Variants in CARS2 observed in about 807,000 individuals in gnomAD.
CARS2 encodes the protein probable cysteine--tRNA ligase, mitochondrial.
Under a neutral mutation model 68.8 loss-of-function variants are expected in CARS2, and 52 were observed. The ratio of observed to expected loss-of-function variants is 0.76; its 90% confidence interval spans 0.61 to 0.95. The LOEUF (loss-of-function observed/expected upper bound fraction) is 0.95, where lower values mean the gene tolerates loss of function less well. Among genes scored for constraint, CARS2 ranks in the 40% least tolerant of loss-of-function variants. The pLI is 0.00. For missense variants in CARS2, 780 were observed against 754.2 expected, an observed-to-expected ratio of 1.03 and a Z score of -0.40; for synonymous variants, 314 against 303.6, an observed-to-expected ratio of 1.03 and a Z score of -0.36.
intron 10 of CARS2, among the ~76,000 whole-genome samples, chr13:110,647,597 A>G (rs1314277033): frequency 3.9e-5 from 5 of 129,446 alleles, no homozygotes; most frequent in East Asian, 2.3e-4. Flanking sequence ...ATGAATGGCT[A>G]GCTCTGGAAA....
intron 3 of CARS2, among the ~76,000 whole-genome samples, chr13:110,699,996 C>T (rs532389668): frequency 2.4e-4 from 36 of 152,256 alleles, no homozygotes; most frequent in Non-Finnish European, 3.8e-4. Context: ...CTGCTACCCG[C>T]CACAAGTGCG....
In CARS2 at chr13:110,684,218, C is replaced by G. The variant is rs1039252817; in HGVS notation, c.572-1084G>C. ...CCAGCACCCTCCAACCACACAGCAGCATGTAGCTGTCCTCAGGCCCCAGGC... is the reference window on the plus strand; with the variant it reads ...CCAGCACCCTCCAACCACACAGCAGGATGTAGCTGTCCTCAGGCCCCAGGC... On this transcript the variant is annotated intron_variant, in intron 5 of 14. Coordinates refer to ENST00000257347, the MANE Select transcript of CARS2 (RefSeq NM_024537.4). Among the ~76,000 whole-genome samples the G allele has an allele frequency of 4.6e-5, 7 of 152,308 alleles. No homozygotes were observed. The East Asian group carries it at 1.4e-3, about 29-fold the overall frequency.
At position 110,687,840 on chromosome 13, in the gene CARS2, G is replaced by C. The variant is rs1304707139; in HGVS notation, c.466-14C>G. The C allele has an allele frequency of 1.5e-5, 24 of 1,585,756 alleles. No homozygotes were observed. Among genetic ancestry groups the C allele is most frequent in the Non-Finnish European group, 2.0e-5 (23 of 1,155,292 alleles). On this transcript the variant is annotated splice_polypyrimidine_tract_variant and intron_variant, in intron 4 of 14. Coordinates refer to ENST00000257347, the MANE Select transcript of CARS2 (RefSeq NM_024537.4). ...GGGTGGGAGAACCTGCAAGGAAGTG[G>C]AGACGTGACCGTGTTTCCCTCGTGA...
At chr13:110,650,749 GA>G (rs2062184895) in intron 10 of CARS2, 2 of 362,868 alleles carry the variant, frequency 5.5e-6, no homozygotes, top group Non-Finnish European at 1.0e-5. Context: ...CACACAGCAG[GA>G]AGCCGAGGTG....
intron 10 of CARS2, among the ~76,000 whole-genome samples, chr13:110,649,931 C>CTTTTTTTTTTTTTTTTT (rs59276783): frequency 2.7e-5 from 2 of 73,144 alleles, no homozygotes; most frequent in African/African-American, 5.2e-5. Context: ...TGGATAACGA[C>CTTTTTTTTTTTTTTTTT]TTTTTTTTTT....
chr13:110,712,909 G>A (rs765351793), intron 1 of CARS2: 15 of 1,537,634 alleles, frequency 9.8e-6, no homozygotes, highest in Middle Eastern at 3.3e-4. Flanking sequence ...CAAAGGGAGG[G>A]CGGTGACGGA....
intron 10 of CARS2, among the ~76,000 whole-genome samples, chr13:110,649,533 G>A (rs1256151795): frequency 2.0e-5 from 3 of 152,232 alleles, no homozygotes; most frequent in Non-Finnish European, 4.4e-5. Flanking sequence ...AAAGTGTGCT[G>A]GCCAGATAGA....
intron 7 of CARS2, among the ~76,000 whole-genome samples, chr13:110,672,181 C>A (rs1441212293): frequency 6.6e-6 from 1 of 152,144 alleles, no homozygotes; most frequent in Non-Finnish European, 1.5e-5. Flanking sequence ...ACGAGGATAT[C>A]CAGGAATTGA....
rs750963303 is a variant in CARS2 at position 110,642,364 on chromosome 13, G to A, written c.1574C>T (p.Ala525Val). 3.2e-6 allele frequency: 5 copies of A among 1,556,506 alleles called. No individual in the cohort carries two copies. Among genetic ancestry groups the A allele is most frequent in the East Asian group, 4.8e-5 (2 of 41,396 alleles). Residue 525 changes from alanine to valine, a missense_variant, in exon 14 of 15, where the codon GCA becomes GTA. By Grantham distance (64) the Ala-to-Val change is moderately conservative (BLOSUM62 0). Coordinates refer to ENST00000257347, the MANE Select transcript of CARS2 (RefSeq NM_024537.4). ...CAGGCCCCGGCGCAGGGTGTCGCAT[G>A]CTTCCAGCAGGGGCTGCCTTTCTAG... ...QLLERQPLLE[A>V]CDTLRRGLTA...
At chr13:110,673,114 C>T (rs186465250) in intron 7 of CARS2, among the ~76,000 whole-genome samples, 2 of 152,290 alleles carry the variant, frequency 1.3e-5, no homozygotes, top group East Asian at 3.9e-4. Context: ...CAGAAGGATT[C>T]ACAGCCAAAT....
chr13:110,673,651 C>A (rs1288429486), intron 7 of CARS2, among the ~76,000 whole-genome samples: 1 of 152,062 alleles, frequency 6.6e-6, no homozygotes, highest in Non-Finnish European at 1.5e-5. Flanking sequence ...TGAAAACTGG[C>A]ACAAGACAGG....
At chr13:110,654,583 G>A (rs144213315) in intron 9 of CARS2, among the ~76,000 whole-genome samples, 3 of 151,748 alleles carry the variant, frequency 2.0e-5, no homozygotes, top group Non-Finnish European at 4.4e-5. Context: ...ATAGACAAAC[G>A]CATGGAAATT....
intron 6 of CARS2, among the ~76,000 whole-genome samples, chr13:110,679,038 A>ACAGGGGAAAAGGGAAC (rs2063058910): frequency 6.8e-5 from 1 of 14,668 alleles, no homozygotes; most frequent in South Asian, 2.6e-3. Flanking sequence ...TGTCCTTACC[A>ACAGGGGAAAAGGGAAC]CACATGTGAA....
At chr13:110,704,630 A>G (rs1282419042) in intron 2 of CARS2, among the ~76,000 whole-genome samples, 1 of 152,188 alleles carries the variant, frequency 6.6e-6, no homozygotes, top group Non-Finnish European at 1.5e-5. Flanking sequence ...AGGCTGAGGC[A>G]GGAGAATTGC....
intron 8 of CARS2, chr13:110,666,226 G>T (rs1455240190): frequency 3.0e-6 from 3 of 985,292 alleles, no homozygotes; most frequent in African/African-American, 1.7e-5. Flanking sequence ...CCCTTCCCAT[G>T]TGAGCGCCAG....
rs1208901100 is a variant in CARS2 at position 110,653,933 on chromosome 13, C to T, written c.988-2833G>A. 6.6e-6 allele frequency among the ~76,000 whole-genome samples: 1 copy of T among 152,242 alleles called. No homozygotes were observed. Among genetic ancestry groups the T allele is most frequent in the Non-Finnish European group, 1.5e-5 (1 of 68,048 alleles). Reference sequence around the variant, plus strand: ...ATACTACTCCGGTTCCACCGTGCAACCTGCCACGGCTCCCTGAGAGGCAAA... The same window carrying T: ...ATACTACTCCGGTTCCACCGTGCAATCTGCCACGGCTCCCTGAGAGGCAAA... On this transcript the variant is annotated intron_variant, in intron 9 of 14. Transcript: ENST00000257347. The surrounding 1 kb of genome is among the most constrained non-coding windows in gnomAD (Gnocchi z 5.6).
At chr13:110,708,496 TAAC>T (rs1176187554), upstream of CARS2, among the ~76,000 whole-genome samples, 2 of 152,224 alleles carry the variant, frequency 1.3e-5, no homozygotes, top group Admixed American at 6.5e-5. Flanking sequence ...ACTTTTAAAT[TAAC>T]AATAGTATCT....
At chr13:110,651,884 G>T (rs1419293837) in intron 9 of CARS2, among the ~76,000 whole-genome samples, 2 of 152,246 alleles carry the variant, frequency 1.3e-5, no homozygotes, top group African/African-American at 2.4e-5. Flanking sequence ...TGAGATGAGT[G>T]GGGGAGAGAA....
intron 8 of CARS2, chr13:110,666,592 C>T (rs1457657288): frequency 7.1e-6 from 7 of 985,286 alleles, no homozygotes; most frequent in African/African-American, 1.7e-5. Context: ...AACTCTGCTG[C>T]GGACCAGAAA....
Sources: allele counts gnomAD v4.1 joint callset (sites outside exome capture counted in the v4.1 genomes callset), GRCh38; gene constraint gnomAD v4.1.1; non-coding constraint Gnocchi (gnomAD v3.1); transcripts MANE v1.5; gene names NCBI Gene and HGNC (gene_info 2026-07-23, HGNC 2026-07-21).